The following EPHA7 variants were observed in gnomAD, a reference collection of about 807,000 sequenced individuals.
The protein encoded by EPHA7 is EPH receptor A7.
A neutral mutation model predicts 112.6 loss-of-function variants in EPHA7; 25 were observed. That is an observed-to-expected ratio of 0.22 (90% CI 0.16 to 0.31). EPHA7 has a LOEUF of 0.31. Ranked by LOEUF, EPHA7 falls within the 10% of genes least tolerant of loss-of-function variation. The pLI is 1.00. For missense variants in EPHA7, 962 were observed against 1,212.6 expected, an observed-to-expected ratio of 0.79 and a Z score of 3.07; for synonymous variants, 437 against 406.5, an observed-to-expected ratio of 1.07 and a Z score of -0.90.
intron 5 of EPHA7, among the ~76,000 whole-genome samples, chr6:93,341,430 T>C (rs919027721): frequency 6.6e-6 from 1 of 151,800 alleles, no homozygotes; most frequent in African/African-American, 2.4e-5. Flanking sequence ...TTAGGATCAC[T>C]GACCTTTGAC....
intron 5 of EPHA7, among the ~76,000 whole-genome samples, chr6:93,290,693 C>T (rs7770914): frequency 0.2 from 30,490 of 151,888 alleles, 3,788 homozygotes; most frequent in East Asian, 0.5. Context: ...AAACTATAAC[C>T]AAGGTTTGGC....
At position 93,330,256 on chromosome 6, in the gene EPHA7, C is replaced by G. The variant is rs988962758; in HGVS notation, c.1324+26461G>C. Among the ~76,000 whole-genome samples, 8 of 151,260 alleles carry G rather than the reference C, an allele frequency of 5.3e-5. No individual in the cohort carries two copies. The Admixed American group carries it at 5.3e-4, about 10-fold the overall frequency. On this transcript the variant is annotated intron_variant, in intron 5 of 16. Coordinates refer to ENST00000369303, the MANE Select transcript of EPHA7 (RefSeq NM_004440.4). ...ATGAAATTAGATTGATTAGCATATC[C>G]ATTACCTCAAACATTTGTTAATATC...
At position 93,259,360 on chromosome 6, in the gene EPHA7, C is replaced by T. The variant is rs531906513; in HGVS notation, c.1918G>A (p.Gly640Ser). ...GAAGCTACAATAGCCTTACCTGCAC[C>T]AATCACACGCTCAATTTTAATACAG... ...ASCIKIERVIGAGEFGEVCSG... is the reference protein window; with the variant it reads ...ASCIKIERVISAGEFGEVCSG... Residue 640 changes from glycine to serine, a missense_variant, in exon 10 of 17, where the codon GGT becomes AGT. This residue lies in a region of EPHA7 where 746 missense variants were observed against 889.2 expected (regional missense o/e 0.84). Transcript: ENST00000369303. The T allele has an allele frequency of 1.9e-6, 3 of 1,611,562 alleles. No individual in the cohort carries two copies. Among genetic ancestry groups the T allele is most frequent in the Non-Finnish European group, 2.5e-6 (3 of 1,178,166 alleles).
chr6:93,376,339 C>G (rs545545826), intron 3 of EPHA7, among the ~76,000 whole-genome samples: 1 of 152,018 alleles, frequency 6.6e-6, no homozygotes, highest in Non-Finnish European at 1.5e-5. Context: ...CAAGGCCTTG[C>G]TATATTGCTC....
intron 2 of EPHA7, among the ~76,000 whole-genome samples, chr6:93,411,898 C>G (rs919091933): frequency 6.6e-6 from 1 of 151,896 alleles, no homozygotes; most frequent in African/African-American, 2.4e-5. Context: ...TAGTATAAAC[C>G]TTCTGACAGG....
Position 93,296,863 on chromosome 6 carries a change from T to C in EPHA7, c.1325-24441A>G, listed in dbSNP as rs576361659. ...TTTGCCTATCACATTGGCAACTTCATAGAATTCTAATATACAACATGAGAA... is the reference window on the plus strand; with the variant it reads ...TTTGCCTATCACATTGGCAACTTCACAGAATTCTAATATACAACATGAGAA... On this transcript the variant is annotated intron_variant, in intron 5 of 16. Transcript: ENST00000369303. Among the ~76,000 whole-genome samples, 6 of 152,052 alleles carry C rather than the reference T, an allele frequency of 3.9e-5. No individual in the cohort carries two copies. The South Asian group carries it at 1.2e-3, about 32-fold the overall frequency.
chr6:93,392,421 T>G (rs1562150861), intron 3 of EPHA7, among the ~76,000 whole-genome samples: 1 of 151,934 alleles, frequency 6.6e-6, no homozygotes, highest in Non-Finnish European at 1.5e-5. Context: ...AACTACTGAT[T>G]TATTTTTCCC....
chr6:93,357,107 C>G, intron 4 of EPHA7, 55 bp from the exon 5 acceptor site: 1 of 1,388,854 alleles, frequency 7.2e-7, no homozygotes, highest in South Asian at 1.4e-5. Flanking sequence ...AAAAAACATA[C>G]AAACAAAAAG....
At chr6:93,331,270 C>T (rs1774579085) in intron 5 of EPHA7, among the ~76,000 whole-genome samples, 1 of 151,296 alleles carries the variant, frequency 6.6e-6, no homozygotes, top group Non-Finnish European at 1.5e-5. Context: ...GTTTTATATT[C>T]CACATATATA....
At chr6:93,295,381 T>G (rs17448051) in intron 5 of EPHA7, among the ~76,000 whole-genome samples, 13,083 of 151,948 alleles carry the variant, frequency 0.086, 796 homozygotes, top group Non-Finnish European at 0.13. Context: ...GTAGTTTCTG[T>G]AATTTTGTGT....
intron 3 of EPHA7, among the ~76,000 whole-genome samples, chr6:93,395,973 T>TA (rs2127985132): frequency 6.6e-6 from 1 of 152,038 alleles, no homozygotes; most frequent in African/African-American, 2.4e-5. Flanking sequence ...TCTACCTTTT[T>TA]AAATACAAGA....
At chr6:93,245,712 A>C (rs1216365920) in intron 15 of EPHA7, among the ~76,000 whole-genome samples, 4 of 152,226 alleles carry the variant, frequency 2.6e-5, no homozygotes, top group Admixed American at 1.3e-4. Flanking sequence ...TACAGCCAAC[A>C]ATATTTGGAA....
At chr6:93,313,921 T>C (rs1401588944) in intron 5 of EPHA7, among the ~76,000 whole-genome samples, 1 of 152,144 alleles carries the variant, frequency 6.6e-6, no homozygotes, top group Non-Finnish European at 1.5e-5. Flanking sequence ...GCAAATTCAT[T>C]AGGAATAATG....
intron 5 of EPHA7, among the ~76,000 whole-genome samples, chr6:93,347,512 T>C (rs1166137874): frequency 6.6e-6 from 1 of 151,908 alleles, no homozygotes; most frequent in Non-Finnish European, 1.5e-5. Flanking sequence ...TTACATGCCT[T>C]AGCTGTCCTC....
intron 5 of EPHA7, among the ~76,000 whole-genome samples, chr6:93,332,570 T>C (rs1293582350): frequency 1.3e-5 from 2 of 151,750 alleles, no homozygotes; most frequent in African/African-American, 4.8e-5. Context: ...GTAATATATA[T>C]GTGCATGACA....
In EPHA7 at chr6:93,272,428, T is replaced by G; in HGVS notation, c.1325-6A>C. On this transcript the variant is annotated splice_polypyrimidine_tract_variant and splice_region_variant and intron_variant, in intron 5 of 16. Coordinates refer to ENST00000369303, the MANE Select transcript of EPHA7 (RefSeq NM_004440.4). ...TCCACTCACTTGCGAGGGAGCTGTT[T>G]GGACAAGATGTGTCAATAAACAATG... 6.2e-7 allele frequency: 1 copy of G among 1,611,316 alleles called. No homozygotes were observed. The highest frequency in any genetic ancestry group is 2.2e-5 in the East Asian group (1 of 44,804).
intron 5 of EPHA7, among the ~76,000 whole-genome samples, chr6:93,288,219 C>G (rs1772172953): frequency 6.6e-6 from 1 of 152,032 alleles, no homozygotes; most frequent in Middle Eastern, 3.2e-3. Flanking sequence ...AGAATACATA[C>G]AAAGAAATAG....
Position 93,240,359 on chromosome 6 carries a change from A to G in EPHA7, c.*3067T>C, listed in dbSNP as rs1769638683. 4.5e-6 allele frequency: 1 copy of G among 224,716 alleles called. No homozygotes were observed. The highest frequency in any genetic ancestry group is 8.9e-6 in the Non-Finnish European group (1 of 112,820). 13.9% of individuals were successfully genotyped at this position (224,716 alleles called of 1,614,324 possible). A position where few individuals can be genotyped will look rare whatever the true frequency, so the allele number is the denominator to read the frequency against. On this transcript the variant is annotated 3_prime_UTR_variant, in exon 17 of 17. Coordinates refer to ENST00000369303, the MANE Select transcript of EPHA7 (RefSeq NM_004440.4). ...GAGAATATCAGCATTACCTAAATAAAAAAGAGAGGTGAATCACACCATTTT... is the reference window on the plus strand; with the variant it reads ...GAGAATATCAGCATTACCTAAATAAGAAAGAGAGGTGAATCACACCATTTT...
chr6:93,245,286 G>C lies in EPHA7; in HGVS notation c.2882+12C>G, dbSNP rs540874599. 6.2e-7 allele frequency: 1 copy of C among 1,610,212 alleles called. No individual in the cohort carries two copies. The highest frequency in any genetic ancestry group is 1.3e-5 in the African/African-American group (1 of 74,918). On this transcript the variant is annotated intron_variant, in intron 16 of 16. Transcript: ENST00000369303. ...TAAATCCTTAAATACAATTTTAAGA[G>C]TTTAAGCTTACTCAATAGTCATCCT...
Sources: gnomAD v4.1 joint callset for allele counts (sites outside exome capture counted in the v4.1 genomes callset) on GRCh38, gnomAD v4.1.1 for gene constraint, gnomAD v4.1.1 regional missense constraint, MANE v1.5 for transcripts, NCBI Gene and HGNC (gene_info 2026-07-23, HGNC 2026-07-21) for gene names.